VAV3: variants seen among roughly 807,000 people sequenced by gnomAD.
The protein encoded by VAV3 is vav guanine nucleotide exchange factor 3, also known as guanine nucleotide exchange factor VAV3.
In VAV3, 94 loss-of-function variants were observed where a neutral mutation model predicts 131.2. The observed-to-expected ratio is 0.72, with a 90% CI of 0.61 to 0.85. VAV3 has a LOEUF of 0.85. Among genes scored for constraint, VAV3 ranks in the 40% least tolerant of loss-of-function variants. The pLI is 0.00. For missense variants in VAV3, 939 were observed against 1,002.7 expected (o/e 0.94, Z 0.86); for synonymous variants, 349 against 342.0 (o/e 1.02, Z -0.22).
At chr1:107,790,006 G>T (rs1295876205) in intron 2 of VAV3, among the ~76,000 whole-genome samples, 1 of 152,046 alleles carries the variant, frequency 6.6e-6, no homozygotes, top group African/African-American at 2.4e-5. Context: ...GAACACAATG[G>T]GAAACAAAAC....
intron 19 of VAV3, 38 bp from the exon 20 acceptor site, chr1:107,642,793 C>G (rs765276848): frequency 2.5e-6 from 4 of 1,611,750 alleles, no homozygotes; most frequent in Non-Finnish European, 3.4e-6. Flanking sequence ...ATTGAGAAAA[C>G]AATGATGCAT....
At chr1:107,778,911 C>T (rs1400643491) in intron 3 of VAV3, among the ~76,000 whole-genome samples, 1 of 152,050 alleles carries the variant, frequency 6.6e-6, no homozygotes, top group Non-Finnish European at 1.5e-5. Flanking sequence ...CTGCATAATA[C>T]TCTATTGCAA....
chr1:107,888,012 G>GC (rs1203123636), intron 1 of VAV3, among the ~76,000 whole-genome samples: 13 of 151,392 alleles, frequency 8.6e-5, no homozygotes, highest in African/African-American at 3.2e-4. Context: ...TTTGGGGGGG[G>GC]GGTTATTTTG....
intron 2 of VAV3, among the ~76,000 whole-genome samples, chr1:107,858,044 C>T (rs1484529183): frequency 6.6e-6 from 1 of 152,132 alleles, no homozygotes; most frequent in Non-Finnish European, 1.5e-5. Context: ...ACCACTCTGG[C>T]AATAATAAAT....
chr1:107,726,448 A>C (rs897498696), intron 15 of VAV3, among the ~76,000 whole-genome samples: 2 of 152,206 alleles, frequency 1.3e-5, no homozygotes, highest in African/African-American at 2.4e-5. Flanking sequence ...CAGTTTTCCC[A>C]GTCATGTCTC....
At chr1:107,703,402 G>A (rs976088035) in intron 17 of VAV3, among the ~76,000 whole-genome samples, 1 of 152,166 alleles carries the variant, frequency 6.6e-6, no homozygotes, top group African/African-American at 2.4e-5. Context: ...TAAATGTGCA[G>A]GGCCATTCTG....
At chr1:107,613,366 C>T (rs555460179) in intron 21 of VAV3, among the ~76,000 whole-genome samples, 7 of 152,024 alleles carry the variant, frequency 4.6e-5, no homozygotes, top group African/African-American at 7.2e-5. Context: ...ATTTGTATCT[C>T]ATCACTCCAT....
intron 25 of VAV3, among the ~76,000 whole-genome samples, chr1:107,590,985 C>T (rs533751879): frequency 2.0e-5 from 3 of 152,166 alleles, no homozygotes; most frequent in Non-Finnish European, 4.4e-5. Flanking sequence ...AACTTCAATA[C>T]TTTCCTAGTG....
intron 9 of VAV3, among the ~76,000 whole-genome samples, chr1:107,764,442 T>C (rs1285277731): frequency 6.6e-6 from 1 of 152,252 alleles, no homozygotes; most frequent in Non-Finnish European, 1.5e-5. Context: ...TTTGTGTTCG[T>C]CTTCTCTTCC....
At chr1:107,614,870 C>T (rs910443046) in intron 21 of VAV3, among the ~76,000 whole-genome samples, 7 of 152,124 alleles carry the variant, frequency 4.6e-5, no homozygotes, top group African/African-American at 1.4e-4. Context: ...GTACATGGTA[C>T]ATTCAATGCT....
intron 1 of VAV3, among the ~76,000 whole-genome samples, chr1:107,889,132 A>AGAGTGTGTGTGTGT (rs1553226404): frequency 1.4e-5 from 2 of 141,926 alleles, no homozygotes; most frequent in Non-Finnish European, 3.0e-5. Flanking sequence ...TCCTGTGTAG[A>AGAGTGTGTGTGTGT]GTGTGTGTGT....
At chr1:107,658,447 C>T (rs1210307966) in intron 19 of VAV3, among the ~76,000 whole-genome samples, 5 of 152,194 alleles carry the variant, frequency 3.3e-5, no homozygotes, top group South Asian at 2.1e-4. Context: ...GATTTATAAT[C>T]CTTTGGGTAT....
intron 22 of VAV3, among the ~76,000 whole-genome samples, chr1:107,605,342 A>C (rs1652182357): frequency 6.6e-6 from 1 of 152,130 alleles, no homozygotes; most frequent in Non-Finnish European, 1.5e-5. Flanking sequence ...GTGGTTAGCT[A>C]TCTTTGGAGT....
At chr1:107,661,717 T>G (rs1417943615) in intron 19 of VAV3, among the ~76,000 whole-genome samples, 4 of 152,208 alleles carry the variant, frequency 2.6e-5, no homozygotes, top group Non-Finnish European at 5.9e-5. Context: ...CTGCATTTCT[T>G]GACTAATTTT....
intron 20 of VAV3, among the ~76,000 whole-genome samples, chr1:107,627,618 C>T (rs895275756): frequency 3.3e-5 from 5 of 152,086 alleles, no homozygotes; most frequent in Non-Finnish European, 5.9e-5. Context: ...ACTTTTTTCT[C>T]CTTTTCAATC....
intron 15 of VAV3, among the ~76,000 whole-genome samples, chr1:107,740,505 G>A (rs1662953674): frequency 6.6e-6 from 1 of 151,932 alleles, no homozygotes; most frequent in Non-Finnish European, 1.5e-5. Context: ...GACAAATATA[G>A]ATAATTCATC....
chr1:107,946,034 G>A (rs1258344792), intron 1 of VAV3, among the ~76,000 whole-genome samples: 1 of 151,986 alleles, frequency 6.6e-6, no homozygotes, highest in East Asian at 1.9e-4. Flanking sequence ...AGGGCAGCAG[G>A]GTCCATACTC....
intron 1 of VAV3, among the ~76,000 whole-genome samples, chr1:107,884,951 T>C (rs1670964174): frequency 6.6e-6 from 1 of 152,016 alleles, no homozygotes; most frequent in African/African-American, 2.4e-5. Context: ...GGTTTAGCAA[T>C]AGTAATGTCA....
rs1330330478 is a variant in VAV3, at chr1:107,749,684, T to C, written c.1260-90A>G. ...GGGTATAAAGCAACCAAATGTTTTT[T>C]TCTTTGCATTAAAGACAACAGGTAG... On this transcript the variant is annotated intron_variant, in intron 13 of 26. Coordinates refer to ENST00000370056, the MANE Select transcript of VAV3 (RefSeq NM_006113.5). The C allele has an allele frequency of 4.2e-6, 6 of 1,438,972 alleles. No homozygotes were observed. In the Middle Eastern group the frequency reaches 7.8e-4, roughly 187 times the overall value. The allele number at this position is 1,438,972 out of a possible 1,614,324, so 89.1% of individuals were successfully genotyped here.
Sources: allele counts gnomAD v4.1 joint callset (sites outside exome capture counted in the v4.1 genomes callset), GRCh38; gene constraint gnomAD v4.1.1; transcripts MANE v1.5; gene names NCBI Gene and HGNC (gene_info 2026-07-23, HGNC 2026-07-21).